Variants in TMEM181 observed in about 807,000 individuals in gnomAD.
TMEM181 encodes the protein G protein-coupled receptor 178.
In TMEM181, 39 loss-of-function variants were observed where a neutral mutation model predicts 71.9. The ratio of observed to expected loss-of-function variants is 0.54; its 90% CI spans 0.42 to 0.71. TMEM181 has a LOEUF of 0.71. TMEM181 is among the 30% of genes least tolerant of loss of function. The pLI, the probability that TMEM181 is intolerant of heterozygous loss-of-function variation, is 0.00. For missense variants in TMEM181, 595 were observed against 583.0 expected, an observed-to-expected ratio of 1.02 and a Z score of -0.21; for synonymous variants, 245 against 228.8, an observed-to-expected ratio of 1.07 and a Z score of -0.64.
At chr6:158,628,528 C>G in intron 14 of TMEM181, 38 bp downstream of exon 14, 1 of 1,586,222 alleles carries the variant, frequency 6.3e-7, no homozygotes, top group Non-Finnish European at 8.6e-7. Context: ...TGCAGGACGC[C>G]TGCTTAGCAT....
At chr6:158,585,235 C>T in intron 4 of TMEM181, 69 bp from the exon 5 acceptor site, 1 of 1,486,288 alleles carries the variant, frequency 6.7e-7, no homozygotes. Flanking sequence ...ATTACAGAGC[C>T]AGGAAGGCAC....
intron 10 of TMEM181, among the ~76,000 whole-genome samples, chr6:158,612,086 C>T (rs530399019): frequency 6.6e-6 from 1 of 152,092 alleles, no homozygotes; most frequent in South Asian, 2.1e-4. Context: ...TTTTGGGGGC[C>T]CATTTACACT....
chr6:158,609,136 T>A (rs1240781327), intron 10 of TMEM181, among the ~76,000 whole-genome samples: 3 of 150,990 alleles, frequency 2.0e-5, no homozygotes, highest in Admixed American at 6.6e-5. Context: ...ACAATCAAAC[T>A]GTGTTCTGTG....
chr6:158,583,553 C>T (rs1293604950), intron 3 of TMEM181, among the ~76,000 whole-genome samples: 4 of 152,260 alleles, frequency 2.6e-5, no homozygotes, highest in South Asian at 2.1e-4. Context: ...TGTAACCTAG[C>T]GCTTTAGGAG....
chr6:158,591,546 C>T (rs1009390202), intron 6 of TMEM181, among the ~76,000 whole-genome samples: 2 of 151,918 alleles, frequency 1.3e-5, no homozygotes, highest in African/African-American at 4.8e-5. Flanking sequence ...TGCTTGTGTC[C>T]TCCATTCATG....
In TMEM181 at chr6:158,631,885, C is replaced by T; in HGVS notation, c.1425C>T (p.Asp475=). 6.3e-7 allele frequency: 1 copy of T among 1,587,748 alleles called. No individual in the cohort carries two copies. Among genetic ancestry groups the T allele is most frequent in the South Asian group, 1.1e-5 (1 of 87,110 alleles). Residue 475 remains aspartate, a synonymous_variant, in exon 17 of 17, where the codon GAC becomes GAT. Transcript: ENST00000684151. Reference sequence around the variant, plus strand: ...AGTACAAGGAGGAGTCAGATAGTGACTGAGCCCCGGCCAGCCCAGCGAGGC... The same window carrying T: ...AGTACAAGGAGGAGTCAGATAGTGATTGAGCCCCGGCCAGCCCAGCGAGGC... ...RAKYKEESDS[D] is the part of the protein sequence containing the mutation.
intron 2 of TMEM181, among the ~76,000 whole-genome samples, chr6:158,580,565 T>C (rs899654489): frequency 1.3e-5 from 2 of 152,244 alleles, no homozygotes; most frequent in African/African-American, 4.8e-5. Context: ...TCTTAGGTTT[T>C]GGAAGAAATC....
chr6:158,603,440 T>TG (rs1784780053), intron 6 of TMEM181, among the ~76,000 whole-genome samples: 1 of 152,032 alleles, frequency 6.6e-6, no homozygotes, highest in South Asian at 2.1e-4. Flanking sequence ...CAGGCGGTAA[T>TG]GCTCGCTGGC....
intron 6 of TMEM181, 105 bp from the exon 7 acceptor site, chr6:158,605,162 G>GTGTGTGTGTGTA: frequency 1.5e-6 from 1 of 668,768 alleles, no homozygotes; most frequent in Non-Finnish European, 2.6e-6. Flanking sequence ...GTGTGTGTAT[G>GTGTGTGTGTGTA]TGTATATATT....
chr6:158,622,299 T>A (rs866215740), intron 10 of TMEM181, among the ~76,000 whole-genome samples: 2 of 152,208 alleles, frequency 1.3e-5, no homozygotes, highest in Non-Finnish European at 2.9e-5. Context: ...CCTGTATTCT[T>A]ATGATGATGA....
intron 1 of TMEM181, among the ~76,000 whole-genome samples, chr6:158,546,549 A>C (rs1180649546): frequency 6.6e-6 from 1 of 152,224 alleles, no homozygotes; most frequent in East Asian, 1.9e-4. Context: ...GAACCCCAGG[A>C]AGGAGCTGAT....
At position 158,629,743 on chromosome 6, in the gene TMEM181, A is replaced by G; in HGVS notation, c.1206A>G (p.Leu402=). The G allele has an allele frequency of 6.2e-7, 1 of 1,610,654 alleles. No homozygotes were observed. Among genetic ancestry groups the G allele is most frequent in the Non-Finnish European group, 8.5e-7 (1 of 1,178,468 alleles). The stretch of plus-strand genomic sequence containing the variant: ...TGACAGCACCACCAGCCGAGTTCTT[A>G]TCTTTCTATGGCCTGTTGAACTTCT... ...STHYQNSAEF[L]SFYGLLNFYL... The change falls in exon 15 of 17, where the codon TTA becomes TTG. Residue 402 remains leucine, a synonymous_variant. Coordinates refer to ENST00000684151, the MANE Select transcript of TMEM181 (RefSeq NM_001376852.1).
intron 2 of TMEM181, among the ~76,000 whole-genome samples, chr6:158,573,934 G>A (rs1231941171): frequency 6.6e-6 from 1 of 151,984 alleles, no homozygotes; most frequent in East Asian, 1.9e-4. Flanking sequence ...GGGGCTGATG[G>A]CTGTGAGCAT....
At chr6:158,552,391 G>GTATACACTATATCACAGAGGAA (rs1287706723) in intron 1 of TMEM181, among the ~76,000 whole-genome samples, 1 of 152,192 alleles carries the variant, frequency 6.6e-6, no homozygotes, top group African/African-American at 2.4e-5. Context: ...AAGATTTTGA[G>GTATACACTATATCACAGAGGAA]TATACACTAT....
chr6:158,575,731 T>G (rs1783118340), intron 2 of TMEM181, among the ~76,000 whole-genome samples: 1 of 152,166 alleles, frequency 6.6e-6, no homozygotes, highest in Non-Finnish European at 1.5e-5. Flanking sequence ...GGGACCTCAT[T>G]GTGGACACAG....
At chr6:158,601,503 G>T (rs1359192297) in intron 6 of TMEM181, among the ~76,000 whole-genome samples, 1 of 152,164 alleles carries the variant, frequency 6.6e-6, no homozygotes, top group African/African-American at 2.4e-5. Context: ...GCTCACACCT[G>T]TAATCCCAGC....
chr6:158,539,872 A>G (rs748187237), intron 1 of TMEM181, among the ~76,000 whole-genome samples: 4 of 152,204 alleles, frequency 2.6e-5, no homozygotes, highest in African/African-American at 4.8e-5. Flanking sequence ...TTCACTGGAC[A>G]ATCCGTTTCC....
intron 5 of TMEM181, among the ~76,000 whole-genome samples, chr6:158,587,499 CTT>C (rs547125415): frequency 1.4e-5 from 2 of 146,216 alleles, no homozygotes; most frequent in Non-Finnish European, 1.5e-5. Flanking sequence ...TCTTATATTA[CTT>C]TTTTTTTTTT....
intron 6 of TMEM181, among the ~76,000 whole-genome samples, chr6:158,591,854 T>C (rs972419383): frequency 1.3e-5 from 2 of 152,212 alleles, no homozygotes; most frequent in East Asian, 1.9e-4. Context: ...CTTCCATCTT[T>C]TGTATCTATG....
Sources: allele counts gnomAD v4.1 joint callset (sites outside exome capture counted in the v4.1 genomes callset), GRCh38; gene constraint gnomAD v4.1.1; transcripts MANE v1.5; gene names NCBI Gene and HGNC (gene_info 2026-07-23, HGNC 2026-07-21).